The following CEP295 variants were observed in gnomAD, a reference collection of about 807,000 sequenced individuals.
CEP295 encodes centrosomal protein of 295 kDa.
A neutral mutation model predicts 291.6 loss-of-function variants in CEP295; 190 were observed. That is an observed-to-expected ratio of 0.65 (90% confidence interval 0.58 to 0.73). CEP295 has a LOEUF of 0.73. Among genes scored for constraint, CEP295 ranks in the 30% least tolerant of loss-of-function variants. The probability of loss-of-function intolerance (pLI) is 0.00; values close to 1 mark genes in which losing one functional copy is unlikely to be tolerated. For missense variants in CEP295, 2,863 were observed against 2,949.4 expected (o/e 0.97, Z 0.68); for synonymous variants, 993 against 1,038.8 (o/e 0.96, Z 0.85).
At chr11:93,714,355 A>G in intron 18 of CEP295, among the ~76,000 whole-genome samples, 1 of 152,186 alleles carries the variant, frequency 6.6e-6, no homozygotes, top group African/African-American at 2.4e-5. Context: ...GGTTCAGGCG[A>G]ATCTCCTGCC....
intron 18 of CEP295, among the ~76,000 whole-genome samples, chr11:93,719,246 GTTT>G (rs61255145): frequency 7.4e-6 from 1 of 135,524 alleles, no homozygotes; most frequent in African/African-American, 2.8e-5. Context: ...TTTTTTCCGG[GTTT>G]TTTTTTTTTT....
At chr11:93,721,510 A>G (rs1402001789) in intron 19 of CEP295, 98 bp downstream of exon 19, 2 of 853,956 alleles carry the variant, frequency 2.3e-6, no homozygotes, top group Non-Finnish European at 4.1e-6. Context: ...CATTAAAGTC[A>G]GTGCTTTCTG....
intron 13 of CEP295, 29 bp downstream of exon 13, chr11:93,695,663 T>A: frequency 6.8e-7 from 1 of 1,475,174 alleles, no homozygotes; most frequent in Non-Finnish European, 8.9e-7. Context: ...CATCACTACA[T>A]AAATCATTTG....
intron 18 of CEP295, among the ~76,000 whole-genome samples, chr11:93,715,117 GT>G (rs1356419177): frequency 1.3e-5 from 2 of 152,168 alleles, no homozygotes; most frequent in Admixed American, 6.5e-5. Flanking sequence ...CAGAGATGTT[GT>G]CCAGGAGTCA....
At chr11:93,718,630 A>C (rs888659121) in intron 18 of CEP295, among the ~76,000 whole-genome samples, 1 of 152,212 alleles carries the variant, frequency 6.6e-6, no homozygotes, top group East Asian at 1.9e-4. Flanking sequence ...TATATTACAG[A>C]TAACAGTAAA....
rs148878761 is a variant in CEP295 at position 93,714,570 on chromosome 11, G to A, written c.5750-6742G>A. ...TGCCAAGAGTTAGGTATTCCTTACA[G>A]TCTTTGCATTCTGGGCTTGCTTGTA... On this transcript the variant is annotated intron_variant, in intron 18 of 29. Coordinates refer to ENST00000325212, the MANE Select transcript of CEP295 (RefSeq NM_033395.2). Among the ~76,000 whole-genome samples, 225 of 152,308 alleles carry A rather than the reference G, an allele frequency of 1.5e-3. 1 individual carries two copies. The highest frequency in any genetic ancestry group is 5.1e-3 in the African/African-American group (214 of 41,574).
In CEP295 at chr11:93,684,070, G is replaced by C. The variant is rs1035495051; in HGVS notation, c.1056G>C (p.Leu352Phe). The change falls in exon 9 of 30, where the codon TTG (leucine) becomes TTC (phenylalanine). Residue 352 changes from leucine (L) to phenylalanine (F), a missense_variant. By Grantham distance (22) the Leu-to-Phe change is conservative (BLOSUM62 0). Transcript: ENST00000325212. ...ELDLSMEQEN[L>F]GAAEDLPVTE... ...ACCTTTCAATGGAACAAGAAAATTT[G>C]GGTGCAGCTGAAGACCTTCCAGTGA... 6.4e-7 allele frequency: 1 copy of C among 1,551,502 alleles called. No homozygotes were observed. The highest frequency in any genetic ancestry group is 1.4e-5 in the African/African-American group (1 of 73,034).
intron 12 of CEP295, among the ~76,000 whole-genome samples, chr11:93,694,033 G>A (rs1212434476): frequency 1.3e-5 from 2 of 152,132 alleles, no homozygotes; most frequent in Non-Finnish European, 2.9e-5. Flanking sequence ...CTAAATTCAG[G>A]GGCTCCTATG....
chr11:93,682,022 T>C (rs1279391439), intron 7 of CEP295, among the ~76,000 whole-genome samples: 2 of 152,054 alleles, frequency 1.3e-5, no homozygotes, highest in East Asian at 1.9e-4. Flanking sequence ...AGGAATAATA[T>C]ACTAGCTTGC....
chr11:93,680,774 A>G (rs1325350259), intron 7 of CEP295, among the ~76,000 whole-genome samples: 3 of 152,258 alleles, frequency 2.0e-5, no homozygotes, highest in Non-Finnish European at 4.4e-5. Flanking sequence ...AATATAGCAT[A>G]AAAATGATTC....
Position 93,729,723 on chromosome 11 carries a change from T to C in CEP295, c.7509T>C (p.Asn2503=). The C allele has an allele frequency of 6.5e-7, 1 of 1,549,912 alleles. No individual in the cohort carries two copies. Among genetic ancestry groups the C allele is most frequent in the Non-Finnish European group, 8.7e-7 (1 of 1,145,644 alleles). The change falls in exon 27 of 30, where the codon AAT becomes AAC. Residue 2503 remains asparagine (N), a synonymous_variant. Transcript: ENST00000325212. ...ACCAGAGGCAGAAAGAAATAAGGAA[T>C]AAAATTCATGTCTCTGAAAATTCTC... ...RSHQRQKEIR[N]KIHVSENSQI...
At chr11:93,679,874 T>A (rs2134920537) in intron 7 of CEP295, among the ~76,000 whole-genome samples, 1 of 152,370 alleles carries the variant, frequency 6.6e-6, no homozygotes, top group South Asian at 2.1e-4. Context: ...GCTCTATAAA[T>A]TTGAGGATTC....
chr11:93,682,349 G>A (rs903236518), intron 7 of CEP295, among the ~76,000 whole-genome samples: 13 of 152,036 alleles, frequency 8.6e-5, no homozygotes, highest in African/African-American at 2.7e-4. Context: ...CCAGCCTCCC[G>A]AGTAGCTGGC....
chr11:93,699,392 T>C lies in CEP295; in HGVS notation c.4480T>C (p.Ser1494Pro). The change falls in exon 15 of 30, where the codon TCT becomes CCT. Residue 1494 changes from serine (S) to proline (P), a missense_variant. Transcript: ENST00000325212. ...ATGTAAATTTGAGGAAAAGGTATCTTCTGAGCATTTTATCCAGTCTCACCA... is the reference window on the plus strand; with the variant it reads ...ATGTAAATTTGAGGAAAAGGTATCTCCTGAGCATTTTATCCAGTCTCACCA... ...KPCKFEEKVS[S>P]EHFIQSHHGD... 6.4e-7 allele frequency: 1 copy of C among 1,551,820 alleles called. No homozygotes were observed.
rs762069774 is a variant in CEP295 at position 93,698,218 on chromosome 11, A to T, written c.3306A>T (p.Ser1102=). Residue 1102 remains serine, a synonymous_variant, in exon 15 of 30, where the codon TCA becomes TCT. Coordinates refer to ENST00000325212, the MANE Select transcript of CEP295 (RefSeq NM_033395.2). ...CTGGGCTGGTGAGCTCTTCATCCTC[A>T]CCAGTGGTTGTTCAGCATTCAGTTG... ...SKSGLVSSSS[S]PVVVQHSVAS... 3.2e-5 allele frequency: 50 copies of T among 1,551,716 alleles called. No individual in the cohort carries two copies. The highest frequency in any genetic ancestry group is 4.1e-5 in the African/African-American group (3 of 73,024).
chr11:93,695,066 T>C (rs1055761666), intron 12 of CEP295, among the ~76,000 whole-genome samples: 2 of 152,258 alleles, frequency 1.3e-5, no homozygotes, highest in South Asian at 4.1e-4. Context: ...ACTATCCCTC[T>C]TAATGAGCAT....
intron 3 of CEP295, among the ~76,000 whole-genome samples, chr11:93,668,027 A>G (rs10765620): frequency 0.41 from 62,142 of 151,930 alleles, 13,727 homozygotes; most frequent in Admixed American, 0.49. Context: ...TGGTCTTCCT[A>G]TGATGTTCAA....
rs921634931 is a variant in CEP295 at position 93,723,181 on chromosome 11, C to G, written c.6088C>G (p.Leu2030Val). 1 of 1,552,070 alleles carries G rather than the reference C, an allele frequency of 6.4e-7. No individual in the cohort carries two copies. Among genetic ancestry groups the G allele is most frequent in the South Asian group, 1.2e-5 (1 of 84,064 alleles). Residue 2030 changes from leucine to valine, a missense_variant, in exon 21 of 30, where the codon CTG becomes GTG. Leu to Val is a conservative substitution (Grantham distance 32). Around this residue, in one of 3 missense-constraint regions of CEP295, gnomAD observed 2,295 missense variants for 2,335.7 expected, o/e 0.98. Transcript: ENST00000325212. ...RQNSSDVHKS[L>V]LPAVDETTCG... ...GAACTCTTCAGACGTTCATAAATCT[C>G]TGTTGCCTGCAGTGGATGAAACTAC...
At position 93,698,407 on chromosome 11, in the gene CEP295, A is replaced by T. The variant is rs1361972670; in HGVS notation, c.3495A>T (p.Ile1165=). The change falls in exon 15 of 30, where the codon ATA becomes ATT. Residue 1165 remains isoleucine, a synonymous_variant. Transcript: ENST00000325212. ...TGGCACAGCAAGAAAATTTGACAAT[A>T]CTCCAAGAACAGTCACAAATACAAA... The part of the protein sequence containing the change: ...HSLAQQENLT[I]LQEQSQIQRV... 1.3e-6 allele frequency: 2 copies of T among 1,552,088 alleles called. No individual in the cohort carries two copies. Among genetic ancestry groups the T allele is most frequent in the South Asian group, 2.4e-5 (2 of 84,060 alleles).
Sources: gnomAD v4.1 joint callset for allele counts (sites outside exome capture counted in the v4.1 genomes callset) on GRCh38, gnomAD v4.1.1 for gene constraint, gnomAD v4.1.1 regional missense constraint, MANE v1.5 for transcripts, NCBI Gene and HGNC (gene_info 2026-07-23, HGNC 2026-07-21) for gene names.